The following DCBLD2 variants were observed in gnomAD, a reference collection of about 807,000 sequenced individuals.
DCBLD2 encodes discoidin, CUB and LCCL domain-containing protein 2.
A neutral mutation model predicts 86.8 loss-of-function variants in DCBLD2; 54 were observed. That is an observed-to-expected ratio of 0.62 (90% confidence interval 0.50 to 0.78). The LOEUF is 0.78. DCBLD2 is among the 30% of genes least tolerant of loss of function. The pLI, the probability that DCBLD2 is intolerant of heterozygous loss-of-function variation, is 0.00. For missense variants in DCBLD2, 908 were observed against 954.2 expected (o/e 0.95, Z 0.64); for synonymous variants, 354 against 341.3 (o/e 1.04, Z -0.41).
chr3:98,834,009 C>G (rs1942372867), intron 3 of DCBLD2, among the ~76,000 whole-genome samples: 1 of 152,210 alleles, frequency 6.6e-6, no homozygotes, highest in Non-Finnish European at 1.5e-5. Flanking sequence ...GGGGCCTGCT[C>G]TGGTCCCCAG....
Position 98,798,828 on chromosome 3 carries a change from G to T in DCBLD2, c.*544C>A, listed in dbSNP as rs1227401405. Reference sequence around the variant, plus strand: ...TACAAGTCAGAAAATCCCAGCTACAGATCTTAAGATGGATAAGTGGATATG... The same window carrying T: ...TACAAGTCAGAAAATCCCAGCTACATATCTTAAGATGGATAAGTGGATATG... On this transcript the variant is annotated 3_prime_UTR_variant, in exon 16 of 16. Coordinates refer to ENST00000326840, the MANE Select transcript of DCBLD2 (RefSeq NM_080927.4). 6.6e-6 allele frequency: 1 copy of T among 152,500 alleles called. No individual in the cohort carries two copies. Among genetic ancestry groups the T allele is most frequent in the Non-Finnish European group, 1.5e-5 (1 of 68,346 alleles). The allele number at this position is 152,500 out of a possible 1,614,324, so 9.4% of individuals were successfully genotyped here. A position where few individuals can be genotyped will look rare whatever the true frequency, so the allele number is the denominator to read the frequency against.
At chr3:98,838,071 C>T (rs1232013019) in intron 3 of DCBLD2, among the ~76,000 whole-genome samples, 234 of 129,950 alleles carry the variant, frequency 1.8e-3, no homozygotes, top group African/African-American at 4.6e-3. Context: ...CCCTCCCGGA[C>T]GGCACGGCTG....
chr3:98,855,191 T>G (rs1271917041), intron 2 of DCBLD2, among the ~76,000 whole-genome samples: 1 of 152,110 alleles, frequency 6.6e-6, no homozygotes, highest in Non-Finnish European at 1.5e-5. Context: ...GTAAACAGAT[T>G]TTTTATAAAC....
chr3:98,888,602 A>C (rs972284510), intron 1 of DCBLD2, among the ~76,000 whole-genome samples: 2 of 152,062 alleles, frequency 1.3e-5, no homozygotes, highest in Non-Finnish European at 2.9e-5. Context: ...AATGTGCTCA[A>C]TAAATATTTG....
At chr3:98,841,621 C>T (rs1942622402) in intron 3 of DCBLD2, among the ~76,000 whole-genome samples, 1 of 152,146 alleles carries the variant, frequency 6.6e-6, no homozygotes. Flanking sequence ...GATTTTCCTT[C>T]AATACTGTTT....
At chr3:98,870,802 A>AAAGAAAGAAAGAAAGAAAGAAAGAAAGG (rs1559794655) in intron 2 of DCBLD2, among the ~76,000 whole-genome samples, 63 of 135,864 alleles carry the variant, frequency 4.6e-4, no homozygotes, top group African/African-American at 1.7e-3. Context: ...AGAAAGAAAG[A>AAAGAAAGAAAGAAAGAAAGAAAGAAAGG]AAGAAAGAAA....
At chr3:98,817,981 C>T in intron 8 of DCBLD2, 88 bp from the exon 9 acceptor site, 1 of 1,461,156 alleles carries the variant, frequency 6.8e-7, no homozygotes, top group Non-Finnish European at 9.3e-7. Flanking sequence ...TTGAAATGCA[C>T]AGCTCGAACA....
At chr3:98,865,720 A>G (rs552880495) in intron 2 of DCBLD2, among the ~76,000 whole-genome samples, 1 of 151,282 alleles carries the variant, frequency 6.6e-6, no homozygotes, top group South Asian at 2.1e-4. Flanking sequence ...TTATATATAT[A>G]TTTTGTATTA....
intron 2 of DCBLD2, among the ~76,000 whole-genome samples, chr3:98,869,424 T>G (rs781624421): frequency 3.3e-4 from 51 of 152,254 alleles, no homozygotes; most frequent in Non-Finnish European, 6.6e-4. Flanking sequence ...TTATCTCTTT[T>G]GCTGTACAAA....
At chr3:98,812,195 A>G (rs1233812774) in intron 10 of DCBLD2, 137 bp downstream of exon 10, 1 of 1,200,798 alleles carries the variant, frequency 8.3e-7, no homozygotes, top group East Asian at 2.7e-5. Flanking sequence ...TTTTTTTAAC[A>G]TCCCTTTAAG....
chr3:98,871,661 C>T (rs890937112), intron 2 of DCBLD2, among the ~76,000 whole-genome samples: 1 of 152,070 alleles, frequency 6.6e-6, no homozygotes, highest in Non-Finnish European at 1.5e-5. Flanking sequence ...TGATATACTG[C>T]TGAATCTGGT....
intron 1 of DCBLD2, among the ~76,000 whole-genome samples, chr3:98,885,636 CCA>C (rs1468049367): frequency 1.3e-5 from 2 of 151,952 alleles, no homozygotes; most frequent in African/African-American, 4.8e-5. Context: ...AAATGTGTTT[CCA>C]GTTTATTTTT....
At chr3:98,826,462 C>T (rs1332158985) in intron 3 of DCBLD2, among the ~76,000 whole-genome samples, 1 of 152,236 alleles carries the variant, frequency 6.6e-6, no homozygotes, top group Non-Finnish European at 1.5e-5. Flanking sequence ...CTCAGCTTCA[C>T]AAGTCAAATT....
rs1421315977 is a variant in DCBLD2, at chr3:98,811,452, T to C, written c.1450+16A>G. On this transcript the variant is annotated intron_variant, in intron 11 of 15. Coordinates refer to ENST00000326840, the MANE Select transcript of DCBLD2 (RefSeq NM_080927.4). ...ATCCAAGGAATATCAAATTCTCACA[T>C]TAAAAACAGGCATACCTTTGGCTAT... 1.2e-6 allele frequency: 2 copies of C among 1,613,398 alleles called. No homozygotes were observed. The highest frequency in any genetic ancestry group is 1.7e-5 in the Admixed American group (1 of 59,946).
chr3:98,894,638 A>T (rs577007412), intron 1 of DCBLD2, among the ~76,000 whole-genome samples: 1 of 152,262 alleles, frequency 6.6e-6, no homozygotes, highest in East Asian at 1.9e-4. Flanking sequence ...GAAGACTGTT[A>T]GGCTCTGAGC....
intron 1 of DCBLD2, among the ~76,000 whole-genome samples, chr3:98,887,679 C>G (rs1943586108): frequency 6.6e-6 from 1 of 151,870 alleles, no homozygotes. Flanking sequence ...ATATATTTCA[C>G]TTTTTAAAGC....
intron 6 of DCBLD2, 49 bp from the exon 7 acceptor site, chr3:98,820,337 G>GC (rs1346916622): frequency 7.6e-7 from 1 of 1,319,396 alleles, no homozygotes; most frequent in Non-Finnish European, 1.0e-6. Flanking sequence ...AACACATGAT[G>GC]CCCCATATTT....
chr3:98,836,750 CG>C (rs1942465870), intron 3 of DCBLD2, among the ~76,000 whole-genome samples: 1 of 74,496 alleles, frequency 1.3e-5, no homozygotes, highest in Non-Finnish European at 3.1e-5. Context: ...CCCTCCCGGA[CG>C]GGGTGGCTGG....
At chr3:98,860,128 T>C (rs985376150) in intron 2 of DCBLD2, among the ~76,000 whole-genome samples, 4 of 152,124 alleles carry the variant, frequency 2.6e-5, no homozygotes, top group Non-Finnish European at 4.4e-5. Flanking sequence ...GTATCGGTGA[T>C]AGAAGATCAA....
Sources: allele counts gnomAD v4.1 joint callset (sites outside exome capture counted in the v4.1 genomes callset), GRCh38; gene constraint gnomAD v4.1.1; transcripts MANE v1.5; gene names NCBI Gene and HGNC (gene_info 2026-07-23, HGNC 2026-07-21).